The following YES1 variants were observed in gnomAD, a reference collection of about 807,000 sequenced individuals.
The protein encoded by YES1 is tyrosine-protein kinase Yes.
Under a neutral mutation model 70.4 loss-of-function variants are expected in YES1, and 39 were observed. The observed-to-expected ratio is 0.55, with a 90% confidence interval of 0.43 to 0.72. The LOEUF (loss-of-function observed/expected upper bound fraction) is 0.72, where lower values mean the gene tolerates loss of function less well. YES1 is among the 30% of genes least tolerant of loss of function. YES1 has a pLI of 0.00. For synonymous variants in YES1, 198 were observed against 218.6 expected (o/e 0.91, Z 0.83); for missense variants, 495 against 644.8 (o/e 0.77, Z 2.52).
At chr18:811,675 G>A (rs561910144) in intron 1 of YES1, among the ~76,000 whole-genome samples, 1 of 151,986 alleles carries the variant, frequency 6.6e-6, no homozygotes, top group Non-Finnish European at 1.5e-5. Flanking sequence ...TCCTCTCCCC[G>A]CACAGCTGCT....
At chr18:724,997 T>C (rs908121383) in intron 11 of YES1, among the ~76,000 whole-genome samples, 3 of 152,226 alleles carry the variant, frequency 2.0e-5, no homozygotes, top group Non-Finnish European at 4.4e-5. Flanking sequence ...GGCAAGATCC[T>C]GTCTGAAAGA....
intron 8 of YES1, among the ~76,000 whole-genome samples, chr18:742,587 C>T (rs1409520305): frequency 6.6e-6 from 1 of 152,006 alleles, no homozygotes. Context: ...TGCTTTAGTA[C>T]TAAAAATGTA....
At chr18:751,921 C>T (rs1342765745) in intron 2 of YES1, 117 bp from the exon 3 acceptor site, 5 of 692,094 alleles carry the variant, frequency 7.2e-6, no homozygotes, top group Non-Finnish European at 1.3e-5. Context: ...CTGTAGTCTC[C>T]AGAAACTATT....
chr18:787,910 T>G (rs1906047993), intron 1 of YES1: 1 of 152,202 alleles, frequency 6.6e-6, no homozygotes, highest in Admixed American at 6.6e-5. Context: ...CACCTGTTTT[T>G]AAGCTGTGAA....
At chr18:725,579 G>C (rs980131657) in intron 11 of YES1, among the ~76,000 whole-genome samples, 1 of 152,050 alleles carries the variant, frequency 6.6e-6, no homozygotes, top group Non-Finnish European at 1.5e-5. Flanking sequence ...CATCTAACTA[G>C]GTACTGTCAT....
chr18:734,010 G>A (rs1018713700), intron 10 of YES1, among the ~76,000 whole-genome samples: 10 of 152,282 alleles, frequency 6.6e-5, no homozygotes, highest in Non-Finnish European at 1.5e-4. Context: ...TGGGCACAGT[G>A]GCTCACGCCT....
At chr18:791,578 G>A (rs1361376160) in intron 1 of YES1, among the ~76,000 whole-genome samples, 1 of 152,124 alleles carries the variant, frequency 6.6e-6, no homozygotes, top group Non-Finnish European at 1.5e-5. Flanking sequence ...GAAATATAAT[G>A]TGAACCACAA....
At chr18:748,419 A>G (rs1420907762) in intron 3 of YES1, among the ~76,000 whole-genome samples, 1 of 150,230 alleles carries the variant, frequency 6.7e-6, no homozygotes, top group Admixed American at 6.6e-5. Context: ...TCCCCCACTT[A>G]AGATGTACAA....
In YES1 at chr18:732,872, T is replaced by G. The variant is rs1456836942; in HGVS notation, c.1385A>C (p.Gln462Pro). 1.2e-6 allele frequency: 2 copies of G among 1,614,252 alleles called. No homozygotes were observed. The highest frequency in any genetic ancestry group is 1.7e-6 in the Non-Finnish European group (2 of 1,180,042). The change falls in exon 11 of 12, where the codon CAA (glutamine) becomes CCA (proline). Residue 462 changes from glutamine (Q) to proline (P), a missense_variant. By Grantham distance (76) the Gln-to-Pro change is moderately conservative. This residue lies in a region of YES1 where 385 missense variants were observed against 540.9 expected (regional missense o/e 0.71). Transcript: ENST00000314574. ...TCGGCCCTTTGTTACTAGTTCTGTT[T>G]GCAGAATTCCAAATGACCAGACATC... ...KSDVWSFGIL[Q>P]TELVTKGRVP...
intron 1 of YES1, among the ~76,000 whole-genome samples, chr18:791,654 GATTA>G (rs1357526517): frequency 1.3e-5 from 2 of 152,088 alleles, no homozygotes; most frequent in Non-Finnish European, 2.9e-5. Flanking sequence ...AACAGAAAGA[GATTA>G]ATTTTAATAT....
At chr18:764,768 T>C (rs549563059) in intron 1 of YES1, among the ~76,000 whole-genome samples, 1 of 152,260 alleles carries the variant, frequency 6.6e-6, no homozygotes, top group Admixed American at 6.5e-5. Context: ...AGTCTCGTTC[T>C]GTCACCCAGG....
intron 10 of YES1, among the ~76,000 whole-genome samples, chr18:733,947 C>G (rs1426066345): frequency 6.6e-6 from 1 of 152,118 alleles, no homozygotes; most frequent in Non-Finnish European, 1.5e-5. Context: ...AACAGATGAT[C>G]AATTTTCCTT....
At chr18:768,853 C>A (rs890010013) in intron 1 of YES1, among the ~76,000 whole-genome samples, 1 of 152,244 alleles carries the variant, frequency 6.6e-6, no homozygotes, top group East Asian at 1.9e-4. Flanking sequence ...CAGGCATCTG[C>A]CACCACGCCT....
intron 1 of YES1, among the ~76,000 whole-genome samples, chr18:765,248 CTATATA>C (rs71174288): frequency 0.066 from 5,932 of 90,286 alleles, 201 homozygotes; most frequent in East Asian, 0.12. Flanking sequence ...AGAGTTACAA[CTATATA>C]TATATATATA....
At position 722,456 on chromosome 18, in the gene YES1, T is replaced by G. The variant is rs1447680180; in HGVS notation, c.*1968A>C. The G allele has an allele frequency of 6.6e-6, 1 of 152,600 alleles. No individual in the cohort carries two copies. The highest frequency in any genetic ancestry group is 1.5e-5 in the Non-Finnish European group (1 of 68,024). The allele number at this position is 152,600 out of a possible 1,614,324, so 9.5% of individuals were successfully genotyped here. ...ATTAAAATCAGGTAAATAATGATAG[T>G]TAAGAATTATATCCTGAAAATAGAG... On this transcript the variant is annotated 3_prime_UTR_variant, in exon 12 of 12. Coordinates refer to ENST00000314574, the MANE Select transcript of YES1 (RefSeq NM_005433.4).
intron 1 of YES1, among the ~76,000 whole-genome samples, chr18:762,655 C>T (rs1047994944): frequency 6.6e-6 from 1 of 152,088 alleles, no homozygotes; most frequent in Non-Finnish European, 1.5e-5. Context: ...ATACTGGGTA[C>T]AACGTACACT....
intron 1 of YES1, among the ~76,000 whole-genome samples, chr18:798,769 A>C (rs1285215228): frequency 6.6e-6 from 1 of 152,184 alleles, no homozygotes; most frequent in Non-Finnish European, 1.5e-5. Context: ...CAGGGGGTAC[A>C]CTGTCCATTA....
intron 1 of YES1, among the ~76,000 whole-genome samples, chr18:803,227 T>G (rs1240129832): frequency 1.3e-5 from 2 of 152,330 alleles, no homozygotes; most frequent in East Asian, 3.9e-4. Context: ...AGAGTGAGAC[T>G]CCGTCTCAAA....
chr18:774,629 G>A (rs569066635), intron 1 of YES1, among the ~76,000 whole-genome samples: 2 of 152,146 alleles, frequency 1.3e-5, no homozygotes, highest in South Asian at 2.1e-4. Flanking sequence ...TTCAGTATCT[G>A]ACAACTTCTC....
Sources: allele counts gnomAD v4.1 joint callset (sites outside exome capture counted in the v4.1 genomes callset), GRCh38; gene constraint gnomAD v4.1.1; regional missense constraint gnomAD v4.1.1; transcripts MANE v1.5; gene names NCBI Gene and HGNC (gene_info 2026-07-23, HGNC 2026-07-21).